Variants in SERPINB2 observed in about 807,000 individuals in gnomAD.
The protein encoded by SERPINB2 is serpin family B member 2.
In SERPINB2, 28 loss-of-function variants were observed where a neutral mutation model predicts 39.4. That is an observed-to-expected ratio of 0.71 (90% CI 0.53 to 0.97). The LOEUF is 0.97. Ranked by LOEUF, SERPINB2 falls within the 50% of genes least tolerant of loss-of-function variation. The pLI is 0.00. For missense variants in SERPINB2, 557 were observed against 505.3 expected (o/e 1.10, Z -0.98); for synonymous variants, 209 against 175.1 (o/e 1.19, Z -1.53).
chr18:63,897,157 G>A lies in SERPINB2; in HGVS notation c.355G>A (p.Gly119Arg), dbSNP rs1017333155. The change falls in exon 4 of 8, where the codon GGG becomes AGG. Residue 119 changes from glycine to arginine, a missense_variant. Physicochemically the swap from Gly to Arg is moderately radical, Grantham distance 125. Transcript: ENST00000299502. ...SLSSAINAST[G>R]NYLLESVNKL... ...CAGCTCTGCAATCAATGCATCCACA[G>A]GGAATTATTTACTGGAAAGTGTCAA... The A allele has an allele frequency of 1.2e-6, 2 of 1,613,578 alleles. No homozygotes were observed. Among genetic ancestry groups the A allele is most frequent in the Middle Eastern group, 1.7e-4 (1 of 6,052 alleles).
At chr18:63,895,410 T>A in intron 3 of SERPINB2, 27 bp downstream of exon 3, 1 of 1,613,812 alleles carries the variant, frequency 6.2e-7, no homozygotes. Flanking sequence ...TCCAAATTTC[T>A]TTTGTGGTTT....
intron 2 of SERPINB2, among the ~76,000 whole-genome samples, chr18:63,892,194 C>T (rs1018251794): frequency 6.6e-6 from 1 of 151,974 alleles, no homozygotes; most frequent in South Asian, 2.1e-4. Flanking sequence ...GAAGATCATG[C>T]CTGTGAGGTC....
intron 2 of SERPINB2, among the ~76,000 whole-genome samples, chr18:63,893,531 A>T (rs2049940380): frequency 6.6e-6 from 1 of 152,180 alleles, no homozygotes; most frequent in African/African-American, 2.4e-5. Context: ...CTTCCCAGAT[A>T]AAAAGAAAAA....
At chr18:63,901,936 G>A in intron 6 of SERPINB2, 54 bp downstream of exon 6, 1 of 1,517,116 alleles carries the variant, frequency 6.6e-7, no homozygotes, top group Non-Finnish European at 8.8e-7. Flanking sequence ...CTTTTGACAA[G>A]ATATAGACAG....
Position 63,895,301 on chromosome 18 carries a change from C to A in SERPINB2, c.206C>A (p.Thr69Asn), listed in dbSNP as rs749422897. Residue 69 changes from threonine to asparagine, a missense_variant, in exon 3 of 8, where the codon ACC becomes AAC. Physicochemically the swap from Thr to Asn is moderately conservative, Grantham distance 65. Transcript: ENST00000299502. Reference sequence around the variant, plus strand: ...AATGAAGTGGGAGCCAATGCAGTTACCCCCATGACTCCAGAGAACTTTACC... The same window carrying A: ...AATGAAGTGGGAGCCAATGCAGTTAACCCCATGACTCCAGAGAACTTTACC... ...QFNEVGANAV[T>N]PMTPENFTSC... The A allele has an allele frequency of 3.1e-6, 5 of 1,613,944 alleles. No homozygotes were observed. Among genetic ancestry groups the A allele is most frequent in the Non-Finnish European group, 4.2e-6 (5 of 1,179,968 alleles).
At chr18:63,895,175 C>T in intron 2 of SERPINB2, 89 bp from the exon 3 acceptor site, 1 of 1,500,938 alleles carries the variant, frequency 6.7e-7, no homozygotes, top group Non-Finnish European at 9.1e-7. Flanking sequence ...AGATCTAGGA[C>T]CATTTTAGAG....
intron 5 of SERPINB2, among the ~76,000 whole-genome samples, chr18:63,900,738 AT>A (rs1449980262): frequency 1.3e-5 from 2 of 151,848 alleles, no homozygotes; most frequent in Non-Finnish European, 2.9e-5. Context: ...CCTGGTCCCC[AT>A]TTTAGCTAGC....
intron 1 of SERPINB2, among the ~76,000 whole-genome samples, chr18:63,891,165 G>A (rs1238447787): frequency 2.0e-5 from 3 of 152,132 alleles, no homozygotes; most frequent in East Asian, 3.9e-4. Flanking sequence ...AGCGTCTGGT[G>A]CACAATGAAA....
chr18:63,894,953 T>C lies in SERPINB2; in HGVS notation c.169-311T>C, dbSNP rs192464851. ...CTGGCATTTTTTTTTCAAGACCATTTATTGGTTGGATATAATTTAGATAAT... is the reference window on the plus strand; with the variant it reads ...CTGGCATTTTTTTTTCAAGACCATTCATTGGTTGGATATAATTTAGATAAT... On this transcript the variant is annotated intron_variant, in intron 2 of 7. Transcript: ENST00000299502. Among the ~76,000 whole-genome samples the C allele has an allele frequency of 8.5e-5, 13 of 152,284 alleles. No individual in the cohort carries two copies. In the East Asian group the frequency reaches 2.1e-3, roughly 25 times the overall value.
At chr18:63,895,731 A>G (rs2049955437) in intron 3 of SERPINB2, among the ~76,000 whole-genome samples, 1 of 152,204 alleles carries the variant, frequency 6.6e-6, no homozygotes, top group Admixed American at 6.5e-5. Flanking sequence ...GAGAGAGGGT[A>G]GGGACTGACA....
chr18:63,899,164 C>G (rs1470084332), intron 5 of SERPINB2, among the ~76,000 whole-genome samples: 3 of 152,220 alleles, frequency 2.0e-5, no homozygotes, highest in Non-Finnish European at 4.4e-5. Flanking sequence ...AAGTCTTACT[C>G]TTTCCTGGAA....
intron 2 of SERPINB2, among the ~76,000 whole-genome samples, chr18:63,893,027 G>T (rs1424183951): frequency 3.3e-5 from 5 of 151,982 alleles, no homozygotes; most frequent in Non-Finnish European, 5.9e-5. Context: ...CCAACTCCCA[G>T]GTTCAAGCCA....
At chr18:63,890,551 AT>A (rs1026272395) in intron 1 of SERPINB2, 2 of 152,250 alleles carry the variant, frequency 1.3e-5, no homozygotes, top group Non-Finnish European at 2.9e-5. Context: ...GTGAGCATGC[AT>A]TCAGTTGCCT....
In SERPINB2 at chr18:63,901,731, T is replaced by C. The variant is rs769057214; in HGVS notation, c.536-9T>C. ...TATGAAACCTAAATATATGTTATGT[T>C]TTCTGTAGGCAAAATCCCAAACTTG... is the stretch of plus-strand genomic sequence containing the variant. On this transcript the variant is annotated splice_polypyrimidine_tract_variant and intron_variant, in intron 5 of 7. Coordinates refer to ENST00000299502, the MANE Select transcript of SERPINB2 (RefSeq NM_002575.3). The C allele has an allele frequency of 5.9e-6, 9 of 1,535,564 alleles. No individual in the cohort carries two copies. Among genetic ancestry groups the C allele is most frequent in the Non-Finnish European group, 7.8e-6 (9 of 1,151,862 alleles).
At position 63,903,313 on chromosome 18, in the gene SERPINB2, C is replaced by T. The variant is rs201916527; in HGVS notation, c.*8C>T. The T allele has an allele frequency of 3.5e-5, 52 of 1,477,474 alleles. No homozygotes were observed. The highest frequency in any genetic ancestry group is 2.3e-4 in the Admixed American group (9 of 39,222). The allele number at this position is 1,477,474 out of a possible 1,614,324, so 91.5% of individuals were successfully genotyped here. A position where few individuals can be genotyped will look rare whatever the true frequency, so the allele number is the denominator to read the frequency against. On this transcript the variant is annotated 3_prime_UTR_variant, in exon 8 of 8. Transcript: ENST00000299502. Reference sequence around the variant, plus strand: ...AGATTTTCCTCACCCTAAAACTAAGCGTGCTGCTTCTGCAAAAGATTTTTG... The same window carrying T: ...AGATTTTCCTCACCCTAAAACTAAGTGTGCTGCTTCTGCAAAAGATTTTTG...
At chr18:63,892,702 G>A (rs928300934) in intron 2 of SERPINB2, 3 of 152,190 alleles carry the variant, frequency 2.0e-5, no homozygotes, top group African/African-American at 7.2e-5. Context: ...TTCACAGAGA[G>A]AGCATTGGCC....
At chr18:63,888,119 C>G (rs1235488446) in intron 1 of SERPINB2, among the ~76,000 whole-genome samples, 1 of 152,064 alleles carries the variant, frequency 6.6e-6, no homozygotes, top group African/African-American at 2.4e-5. Context: ...ATGGAAACAA[C>G]TAGATACATT....
At chr18:63,889,470 C>T (rs1306958754) in intron 1 of SERPINB2, among the ~76,000 whole-genome samples, 2 of 151,892 alleles carry the variant, frequency 1.3e-5, no homozygotes, top group African/African-American at 2.4e-5. Flanking sequence ...ACAAAGAATC[C>T]GGTATGAATT....
intron 5 of SERPINB2, 95 bp downstream of exon 5, chr18:63,897,939 T>C: frequency 1.2e-6 from 1 of 812,622 alleles, no homozygotes; most frequent in Non-Finnish European, 2.0e-6. Flanking sequence ...CTCACCCCTT[T>C]ACAATTTGTC....
Sources: gnomAD v4.1 joint callset for allele counts (sites outside exome capture counted in the v4.1 genomes callset) on GRCh38, gnomAD v4.1.1 for gene constraint, MANE v1.5 for transcripts, NCBI Gene and HGNC (gene_info 2026-07-23, HGNC 2026-07-21) for gene names.